The following PTPRZ1 variants were observed in gnomAD, a reference collection of about 807,000 sequenced individuals.
The protein encoded by PTPRZ1 is receptor-type tyrosine-protein phosphatase zeta.
In PTPRZ1, 82 loss-of-function variants were observed where a neutral mutation model predicts 214.1. That is an observed-to-expected ratio of 0.38 (90% CI 0.32 to 0.46). The LOEUF (loss-of-function observed/expected upper bound fraction) is 0.46. Among genes scored for constraint, PTPRZ1 ranks in the 20% least tolerant of loss-of-function variants. The pLI, the probability that PTPRZ1 is intolerant of heterozygous loss-of-function variation, is 1.00. For missense variants in PTPRZ1, 2,603 were observed against 2,748.7 expected (o/e 0.95, Z 1.19); for synonymous variants, 945 against 987.9 (o/e 0.96, Z 0.81).
In PTPRZ1 at chr7:122,061,047, C is replaced by T. The variant is rs200067850; in HGVS notation, c.6808-33C>T. The T allele has an allele frequency of 3.3e-5, 51 of 1,555,298 alleles. No homozygotes were observed. The Admixed American group carries it at 4.7e-4, about 14-fold the overall frequency. On this transcript the variant is annotated intron_variant, in intron 29 of 29. Transcript: ENST00000393386. Reference sequence around the variant, plus strand: ...ACAAATGTATGTCTTCACTGAGCTTCGCATTTATTACCTCCCATCTTCTGT... The same window carrying T: ...ACAAATGTATGTCTTCACTGAGCTTTGCATTTATTACCTCCCATCTTCTGT...
intron 15 of PTPRZ1, chr7:122,032,197 A>C (rs956187383): frequency 6.6e-6 from 1 of 152,182 alleles, no homozygotes; most frequent in Non-Finnish European, 1.5e-5. Flanking sequence ...AGCTGTAAGC[A>C]CAAAGGTAAC....
chr7:121,991,228 C>T (rs1797952160), intron 8 of PTPRZ1, among the ~76,000 whole-genome samples: 1 of 152,154 alleles, frequency 6.6e-6, no homozygotes, highest in South Asian at 2.1e-4. Flanking sequence ...TTGAATGTAA[C>T]GTGCTACTGA....
At chr7:121,925,594 C>T (rs756103797) in intron 1 of PTPRZ1, among the ~76,000 whole-genome samples, 3 of 152,072 alleles carry the variant, frequency 2.0e-5, no homozygotes, top group South Asian at 2.1e-4. Flanking sequence ...AAGCTGGATC[C>T]GAGTCTGAAC....
At chr7:121,980,938 C>A (rs1797588601) in intron 6 of PTPRZ1, among the ~76,000 whole-genome samples, 2 of 151,964 alleles carry the variant, frequency 1.3e-5, no homozygotes, top group African/African-American at 4.8e-5. Flanking sequence ...GTCAGGAGAT[C>A]GAGACCATCT....
At chr7:121,916,272 C>CA (rs59701928) in intron 1 of PTPRZ1, among the ~76,000 whole-genome samples, 38,210 of 109,520 alleles carry the variant, frequency 0.35, 6,120 homozygotes, top group South Asian at 0.46. Flanking sequence ...GACTCCATCT[C>CA]AAAAAAAAAA....
Position 122,032,551 on chromosome 7 carries a change from C to G in PTPRZ1, c.5166+992C>G, listed in dbSNP as rs550040074. Among the ~76,000 whole-genome samples the G allele has an allele frequency of 1.3e-3, 201 of 152,214 alleles. 1 individual carries two copies. The highest frequency in any genetic ancestry group is 4.3e-3 in the African/African-American group (180 of 41,526). ...CTAACCCCAGTGGCTCTGCGGACCT[C>G]CCTCTTTGAAGTACTTTGAGCTGTA... On this transcript the variant is annotated intron_variant, in intron 15 of 29. Transcript: ENST00000393386.
chr7:122,019,499 C>T (rs1003671044), intron 13 of PTPRZ1, among the ~76,000 whole-genome samples: 1 of 152,088 alleles, frequency 6.6e-6, no homozygotes, highest in Non-Finnish European at 1.5e-5. Context: ...CTATTTAACA[C>T]AGTATTTTGA....
rs1793940416 is a variant in PTPRZ1, at chr7:121,873,348, A to T, written c.-152A>T. The T allele has an allele frequency of 1.5e-6, 1 of 678,396 alleles. No homozygotes were observed. Among genetic ancestry groups the T allele is most frequent in the South Asian group, 1.7e-5 (1 of 57,224 alleles). The allele number at this position is 678,396 out of a possible 1,614,324, so 42.0% of individuals were successfully genotyped here. Reference sequence around the variant, plus strand: ...CTCTCTCACACACACACACACACACACAAACACACATACGCACGCACGATC... The same window carrying T: ...CTCTCTCACACACACACACACACACTCAAACACACATACGCACGCACGATC... On this transcript the variant is annotated 5_prime_UTR_variant, in exon 1 of 30. Transcript: ENST00000393386.
intron 1 of PTPRZ1, among the ~76,000 whole-genome samples, chr7:121,884,463 C>T (rs999171488): frequency 3.3e-5 from 5 of 151,974 alleles, no homozygotes; most frequent in African/African-American, 9.7e-5. Context: ...AAGATTACAT[C>T]CTTTGGAAAC....
chr7:121,873,945 G>T (rs75052642), intron 1 of PTPRZ1, among the ~76,000 whole-genome samples: 2 of 151,934 alleles, frequency 1.3e-5, no homozygotes, highest in Middle Eastern at 3.2e-3. Context: ...TGTGGTGCGG[G>T]GCTGTGTACT....
In PTPRZ1 at chr7:122,038,883, A is replaced by G. The variant is rs773626497; in HGVS notation, c.5496A>G (p.Lys1832=). 76 of 1,613,778 alleles carry G rather than the reference A, an allele frequency of 4.7e-5. 1 individual carries two copies. The East Asian group carries it at 6.7e-4, about 14-fold the overall frequency. The stretch of plus-strand genomic sequence containing the variant: ...TCATGATAACAAACCTCGTGGAGAA[A>G]GGAAGGGTATGTAGATAATCTGTTA... ...VIVMITNLVE[K]GRRKCDQYWP... The change falls in exon 19 of 30, where the codon AAA becomes AAG. Residue 1832 remains lysine (K), a synonymous_variant. Transcript: ENST00000393386.
At position 122,028,622 on chromosome 7, in the gene PTPRZ1, A is replaced by G. The variant is rs1799278223; in HGVS notation, c.5059A>G (p.Thr1687Ala). ...CCCTAGAGTTATATCCACACCTCCA[A>G]CACCTATCTTTCCAATTTCAGGTAA... ...TSPRVISTPPTPIFPISDDVG... is the reference protein window; with the variant it reads ...TSPRVISTPPAPIFPISDDVG... The change falls in exon 14 of 30, where the codon ACA becomes GCA. Residue 1687 changes from threonine to alanine, a missense_variant. By Grantham distance (58) the Thr-to-Ala change is moderately conservative. This residue lies in a region of PTPRZ1 where 1,913 missense variants were observed against 1,914.3 expected (regional missense o/e 1.00). Transcript: ENST00000393386. The G allele has an allele frequency of 2.6e-6, 4 of 1,538,124 alleles. No homozygotes were observed. The African/African-American group carries it at 5.5e-5, about 21-fold the overall frequency.
At chr7:122,054,068 C>A (rs774065754) in intron 26 of PTPRZ1, 30 bp downstream of exon 26, 1 of 1,608,348 alleles carries the variant, frequency 6.2e-7, no homozygotes, top group Non-Finnish European at 8.5e-7. Flanking sequence ...TTTGGGACTT[C>A]CTTTACAGAG....
In PTPRZ1 at chr7:121,889,758, C is replaced by T. The variant is rs549427995; in HGVS notation, c.58+16201C>T. Among the ~76,000 whole-genome samples, 15 of 150,644 alleles carry T rather than the reference C, an allele frequency of 1.0e-4. No individual in the cohort carries two copies. In the South Asian group the frequency reaches 1.5e-3, roughly 15 times the overall value. ...GGGTTCTGCTCCCACCATTCCAAAA[C>T]AAAAAAAAATACCTTATCAGTCTCA... is the stretch of plus-strand genomic sequence containing the variant. On this transcript the variant is annotated intron_variant, in intron 1 of 29. Transcript: ENST00000393386.
At chr7:122,059,042 G>A in intron 28 of PTPRZ1, 100 bp downstream of exon 28, 6 of 1,183,388 alleles carry the variant, frequency 5.1e-6, no homozygotes, top group African/African-American at 1.6e-5. Flanking sequence ...GACCCACTGT[G>A]ATGATTCAGC....
At chr7:121,977,034 C>T (rs1168221271) in intron 6 of PTPRZ1, among the ~76,000 whole-genome samples, 183 bp downstream of exon 6, 6 of 152,074 alleles carry the variant, frequency 3.9e-5, no homozygotes, top group Non-Finnish European at 5.9e-5. Context: ...AACAATTTAT[C>T]AGAAAATTTT....
At chr7:121,923,059 A>G (rs1192629551) in intron 1 of PTPRZ1, among the ~76,000 whole-genome samples, 1 of 152,184 alleles carries the variant, frequency 6.6e-6, no homozygotes, top group Non-Finnish European at 1.5e-5. Flanking sequence ...CACCAAAAAT[A>G]AGTTCCTAGT....
intron 1 of PTPRZ1, among the ~76,000 whole-genome samples, chr7:121,905,801 A>G (rs2116284726): frequency 6.6e-6 from 1 of 152,236 alleles, no homozygotes; most frequent in Admixed American, 6.5e-5. Context: ...GTAAATCTGG[A>G]AGCATTTTTT....
chr7:121,921,789 C>T (rs982280035), intron 1 of PTPRZ1, among the ~76,000 whole-genome samples: 2 of 152,062 alleles, frequency 1.3e-5, no homozygotes, highest in African/African-American at 4.8e-5. Flanking sequence ...GATATATATA[C>T]TATAAAAAGT....
Sources: gnomAD v4.1 joint callset for allele counts (sites outside exome capture counted in the v4.1 genomes callset) on GRCh38, gnomAD v4.1.1 for gene constraint, gnomAD v4.1.1 regional missense constraint, MANE v1.5 for transcripts, NCBI Gene and HGNC (gene_info 2026-07-23, HGNC 2026-07-21) for gene names.